SLC41A3: variants seen among roughly 807,000 people sequenced by gnomAD.
SLC41A3 encodes the protein SLC41A1-like 2.
Under a neutral mutation model 45.4 loss-of-function variants are expected in SLC41A3, and 44 were observed. The ratio of observed to expected loss-of-function variants is 0.97; its 90% confidence interval spans 0.76 to 1.25. The LOEUF is 1.25. Ranked by LOEUF, SLC41A3 falls within the 50% of genes most tolerant of loss-of-function variation. SLC41A3 has a pLI of 0.00. For missense variants in SLC41A3, 550 were observed against 600.6 expected (o/e 0.92, Z 0.88); for synonymous variants, 256 against 252.4 (o/e 1.01, Z -0.13).
intron 2 of SLC41A3, among the ~76,000 whole-genome samples, chr3:126,063,616 C>T (rs2107991821): frequency 6.6e-6 from 1 of 152,326 alleles, no homozygotes; most frequent in East Asian, 1.9e-4. Flanking sequence ...TGGGAATTTC[C>T]TGCCTCACTG....
intron 4 of SLC41A3, among the ~76,000 whole-genome samples, chr3:126,031,568 A>G (rs1392337216): frequency 2.0e-5 from 3 of 152,234 alleles, no homozygotes; most frequent in Admixed American, 1.3e-4. Context: ...AAAAAGTCCA[A>G]TGAATAAAAC....
At chr3:126,074,255 G>T (rs1005909448) in intron 1 of SLC41A3, among the ~76,000 whole-genome samples, 1 of 151,434 alleles carries the variant, frequency 6.6e-6, no homozygotes, top group Admixed American at 6.6e-5. Flanking sequence ...GACAAAGAAG[G>T]ATATTTGATA....
chr3:126,074,674 GTTGTTGTTTTTTTT>G (rs550949451), intron 1 of SLC41A3, among the ~76,000 whole-genome samples: 73 of 151,556 alleles, frequency 4.8e-4, no homozygotes, highest in African/African-American at 1.7e-3. Flanking sequence ...GGGTTGTTTG[GTTGTTGTTTTTTTT>G]TTGTTGTTTT....
At chr3:126,033,480 G>C (rs554071997) in intron 4 of SLC41A3, 127 bp downstream of exon 4, 2 of 990,918 alleles carry the variant, frequency 2.0e-6, no homozygotes, top group Non-Finnish European at 1.5e-6. Context: ...GGAGGGACAG[G>C]TAGCTACCTG....
chr3:126,034,942 T>C (rs572143643), intron 3 of SLC41A3, among the ~76,000 whole-genome samples: 12 of 152,356 alleles, frequency 7.9e-5, no homozygotes, highest in Admixed American at 3.9e-4. Context: ...CGTGGCAGCC[T>C]GGCCCTTGCT....
intron 6 of SLC41A3, 86 bp from the exon 7 acceptor site, chr3:126,016,961 G>C: frequency 1.3e-6 from 2 of 1,545,574 alleles, no homozygotes; most frequent in South Asian, 1.2e-5. Context: ...ATGAGAGGTG[G>C]GTGAGGACGC....
intron 4 of SLC41A3, among the ~76,000 whole-genome samples, chr3:126,028,309 A>G (rs1226730034): frequency 6.8e-6 from 1 of 146,256 alleles, no homozygotes; most frequent in Non-Finnish European, 1.5e-5. Flanking sequence ...GCACAGCCTC[A>G]GGACACTCTG....
intron 1 of SLC41A3, among the ~76,000 whole-genome samples, chr3:126,093,133 A>C (rs1945522424): frequency 6.6e-6 from 1 of 152,200 alleles, no homozygotes; most frequent in South Asian, 2.1e-4. Flanking sequence ...CCTCCAGATC[A>C]ACAGGGAAAT....
chr3:126,091,150 T>C (rs1251609595), intron 1 of SLC41A3, among the ~76,000 whole-genome samples: 1 of 152,208 alleles, frequency 6.6e-6, no homozygotes, highest in Non-Finnish European at 1.5e-5. Context: ...TGAAGGTACA[T>C]TTGTCAAGGC....
At chr3:126,020,579 A>T (rs1940759225) in intron 6 of SLC41A3, among the ~76,000 whole-genome samples, 2 of 152,192 alleles carry the variant, frequency 1.3e-5, no homozygotes, top group Non-Finnish European at 2.9e-5. Context: ...ACCTGAATGG[A>T]CTTCCTCCTC....
chr3:126,066,961 G>A (rs187857373), intron 2 of SLC41A3, among the ~76,000 whole-genome samples: 4 of 152,132 alleles, frequency 2.6e-5, no homozygotes, highest in South Asian at 2.1e-4. Flanking sequence ...TATGAATTTC[G>A]CCGGCGTATG....
intron 6 of SLC41A3, among the ~76,000 whole-genome samples, chr3:126,017,566 A>T (rs921351345): frequency 3.9e-5 from 6 of 152,152 alleles, no homozygotes; most frequent in Admixed American, 6.5e-5. Flanking sequence ...TCGTGCATTC[A>T]TTCCTCCCTT....
chr3:126,014,090 C>T (rs1940014226), intron 8 of SLC41A3, among the ~76,000 whole-genome samples: 1 of 152,112 alleles, frequency 6.6e-6, no homozygotes, highest in Non-Finnish European at 1.5e-5. Flanking sequence ...GTGGGGATTC[C>T]CCTATCCTAC....
intron 2 of SLC41A3, among the ~76,000 whole-genome samples, chr3:126,057,439 C>T (rs1943743185): frequency 6.6e-6 from 1 of 152,236 alleles, no homozygotes; most frequent in African/African-American, 2.4e-5. Flanking sequence ...GCGCATTCCA[C>T]AGGCACCAGG....
intron 3 of SLC41A3, among the ~76,000 whole-genome samples, chr3:126,038,078 A>G (rs1279650739): frequency 6.6e-6 from 1 of 152,244 alleles, no homozygotes; most frequent in East Asian, 1.9e-4. Context: ...CTGTCAGTGC[A>G]TGGAATGCAA....
In SLC41A3 at chr3:126,022,916, A is replaced by C. The variant is rs2107707820; in HGVS notation, c.615T>G (p.Cys205Trp). ...CGAGCTTTCGAGCACCAATCACTAT[A>C]CAGACCATCAGCACCCCTGCAGAGA... ...AAFALGVLMV[C>W]IVIGARKLGV... is the part of the protein sequence containing the mutation. Residue 205 changes from cysteine to tryptophan, a missense_variant, in exon 6 of 11, where the codon TGT becomes TGG. Cys to Trp is a radical substitution (Grantham distance 215). Transcript: ENST00000360370. 6.2e-7 allele frequency: 1 copy of C among 1,614,186 alleles called. No homozygotes were observed. The highest frequency in any genetic ancestry group is 1.1e-5 in the South Asian group (1 of 91,076).
intron 1 of SLC41A3, among the ~76,000 whole-genome samples, chr3:126,072,490 T>A (rs1314411868): frequency 1.3e-5 from 2 of 151,424 alleles, no homozygotes; most frequent in Admixed American, 1.3e-4. Context: ...ATAGTTAAAT[T>A]AGGAATGAAA....
chr3:126,070,230 C>G (rs1944551653), intron 1 of SLC41A3: 1 of 152,200 alleles, frequency 6.6e-6, no homozygotes, highest in Admixed American at 6.5e-5. Flanking sequence ...GGGTCCCCAA[C>G]CCCCGTTGGG....
Position 126,012,658 on chromosome 3 carries a change from C to A in SLC41A3, c.1062G>T (p.Met354Ile). 6.2e-7 allele frequency: 1 copy of A among 1,614,196 alleles called. No homozygotes were observed. The stretch of plus-strand genomic sequence containing the variant: ...AACACGGGTTGGGCCAGAATTTCTT[C>A]ATCTGGAGGGGCAGGACGCCAGGTG... ...WSAPGVLPLQ[M>I]KKFWPNPCST... The change falls in exon 9 of 11, where the codon ATG (methionine) becomes ATT (isoleucine). Residue 354 changes from methionine to isoleucine, a missense_variant. Met to Ile is a conservative substitution (Grantham distance 10, BLOSUM62 1). Coordinates refer to ENST00000360370, the MANE Select transcript of SLC41A3 (RefSeq NM_017836.4).
Sources: gnomAD v4.1 joint callset for allele counts (sites outside exome capture counted in the v4.1 genomes callset) on GRCh38, gnomAD v4.1.1 for gene constraint, MANE v1.5 for transcripts, NCBI Gene and HGNC (gene_info 2026-07-23, HGNC 2026-07-21) for gene names.